The following DYNC1H1 variants were observed in gnomAD, a reference collection of about 807,000 sequenced individuals.
DYNC1H1 encodes dynein cytoplasmic 1 heavy chain 1, also known as cytoplasmic dynein 1 heavy chain 1.
A neutral mutation model predicts 527.1 loss-of-function variants in DYNC1H1; 51 were observed. That is an observed-to-expected ratio of 0.10 (90% confidence interval 0.08 to 0.12). The LOEUF is 0.12. Among genes scored for constraint, DYNC1H1 ranks in the 10% least tolerant of loss-of-function variants. DYNC1H1 has a pLI of 1.00. For synonymous variants in DYNC1H1, 2,189 were observed against 2,278.8 expected (o/e 0.96, Z 1.12); for missense variants, 2,771 against 5,971.8 (o/e 0.46, Z 17.66).
intron 12 of DYNC1H1, 148 bp from the exon 13 acceptor site, chr14:101,994,523 TGA>T: frequency 7.6e-7 from 1 of 1,321,312 alleles, no homozygotes; most frequent in African/African-American, 1.5e-5. Context: ...GAATCTTTTT[TGA>T]TATGAAAATT....
Position 102,006,979 on chromosome 14 carries a change from C to A in DYNC1H1, c.5717-29C>A, listed in dbSNP as rs184857417. On this transcript the variant is annotated intron_variant, in intron 27 of 77. Transcript: ENST00000360184. The stretch of plus-strand genomic sequence containing the variant: ...TATGTTTTCAGTTAGGTAATGGACT[C>A]AAGCACTCTGTTGCTTTTCTTTAAA... 3.7e-6 allele frequency: 6 copies of A among 1,604,394 alleles called. No homozygotes were observed. In the South Asian group the frequency reaches 5.5e-5, roughly 15 times the overall value.
rs1595611458 is a variant in DYNC1H1, at chr14:102,005,146, G to A, written c.5343G>A (p.Val1781=). The change falls in exon 26 of 78, where the codon GTG becomes GTA. Residue 1781 remains valine, a synonymous_variant. Transcript: ENST00000360184. The surrounding 1 kb of genome is among the most constrained non-coding windows in gnomAD (Gnocchi z 4.0). ...GAGATGCCGCGCCCTTGCACTCTGT[G>A]CTGAGCAATGTGGAGGTCACCCTCA... is the stretch of plus-strand genomic sequence containing the variant. The part of the protein sequence containing the change: ...GGGDAAPLHS[V]LSNVEVTLNV... The A allele has an allele frequency of 6.2e-7, 1 of 1,614,192 alleles. No individual in the cohort carries two copies.
intron 44 of DYNC1H1, 55 bp downstream of exon 44, chr14:102,026,762 G>A (rs1411014650): frequency 3.1e-6 from 5 of 1,596,634 alleles, no homozygotes; most frequent in East Asian, 2.2e-5. Flanking sequence ...TCTTGAGTAA[G>A]TGTGTGTGCC....
intron 9 of DYNC1H1, 117 bp downstream of exon 9, chr14:101,987,749 T>A: frequency 5.8e-6 from 7 of 1,211,216 alleles, no homozygotes; most frequent in Non-Finnish European, 8.3e-6. Context: ...GATAGTTCAA[T>A]TCCCCTCCAA....
Position 102,049,911 on chromosome 14 carries a change from C to T in DYNC1H1, c.13684+29C>T. 6.2e-7 allele frequency: 1 copy of T among 1,613,772 alleles called. No individual in the cohort carries two copies. The highest frequency in any genetic ancestry group is 8.5e-7 in the Non-Finnish European group (1 of 1,180,014). Reference sequence around the variant, plus strand: ...AGTGGAGTCTCACAGAAAATACTGGCTCTTTGCAGGTGACCTCGGTGGCCT... The same window carrying T: ...AGTGGAGTCTCACAGAAAATACTGGTTCTTTGCAGGTGACCTCGGTGGCCT... On this transcript the variant is annotated intron_variant, in intron 76 of 77. Transcript: ENST00000360184. This position sits in a 1 kb window ranked among gnomAD's most constrained non-coding sequence, Gnocchi z 5.5.
intron 18 of DYNC1H1, chr14:102,000,616 C>T (rs1567005873): frequency 1.5e-5 from 8 of 543,156 alleles, no homozygotes; most frequent in Non-Finnish European, 2.3e-5. Context: ...CTCTTGTTGC[C>T]CAGGCTGGAG....
In DYNC1H1 at chr14:102,011,304, T is replaced by C; in HGVS notation, c.6618+352T>C. On this transcript the variant is annotated intron_variant, in intron 32 of 77. Transcript: ENST00000360184. This position sits in a 1 kb window ranked among gnomAD's most constrained non-coding sequence, Gnocchi z 5.3. ...GCTGATCAATACGTAGTTTACATTC[T>C]GTATTGGCTTCTTTCCTTCCTCTAT... The C allele has an allele frequency of 2.6e-6, 1 of 377,822 alleles. No homozygotes were observed. Among genetic ancestry groups the C allele is most frequent in the Non-Finnish European group, 5.1e-6 (1 of 197,918 alleles). The allele number at this position is 377,822 out of a possible 1,614,324, so 23.4% of individuals were successfully genotyped here. A position where few individuals can be genotyped will look rare whatever the true frequency, so the allele number is the denominator to read the frequency against.
rs763157981 is a variant in DYNC1H1 at position 101,980,430 on chromosome 14, T to G, written c.841T>G (p.Leu281Val). The G allele has an allele frequency of 1.2e-6, 2 of 1,614,250 alleles. No homozygotes were observed. Residue 281 changes from leucine to valine, a missense_variant, in exon 5 of 78, where the codon TTG (leucine) becomes GTG (valine). By Grantham distance (32) the Leu-to-Val change is conservative. Coordinates refer to ENST00000360184, the MANE Select transcript of DYNC1H1 (RefSeq NM_001376.5). Reference sequence around the variant, plus strand: ...ACAGGAAATTAGTTTTTGGCTAAACTTGGAACGTGCGTTATACCGCATCCA... The same window carrying G: ...ACAGGAAATTAGTTTTTGGCTAAACGTGGAACGTGCGTTATACCGCATCCA... ...ALQEISFWLN[L>V]ERALYRIQEK...
rs2048133108 is a variant in DYNC1H1, at chr14:102,001,744, C to A, written c.4542+63C>A. ...GTCTCCCACGCTTTCACTGTAATGC[C>A]TTTTCACTGACAGTTACTAGGTACC... On this transcript the variant is annotated intron_variant, in intron 21 of 77. Coordinates refer to ENST00000360184, the MANE Select transcript of DYNC1H1 (RefSeq NM_001376.5). This position sits in a 1 kb window ranked among gnomAD's most constrained non-coding sequence, Gnocchi z 5.0. 4 of 1,604,770 alleles carry A rather than the reference C, an allele frequency of 2.5e-6. No individual in the cohort carries two copies. The highest frequency in any genetic ancestry group is 2.6e-6 in the Non-Finnish European group (3 of 1,173,270).
Position 102,012,158 on chromosome 14 carries a change from G to A in DYNC1H1, c.6857+45G>A, listed in dbSNP as rs766008533. On this transcript the variant is annotated intron_variant, in intron 33 of 77. Coordinates refer to ENST00000360184, the MANE Select transcript of DYNC1H1 (RefSeq NM_001376.5). This position sits in a 1 kb window ranked among gnomAD's most constrained non-coding sequence, Gnocchi z 4.9. Reference sequence around the variant, plus strand: ...TGTTTGTGTTCTCCTGGATATGGGCGCTAAGTACTTTGCTCTCACAAGAGC... The same window carrying A: ...TGTTTGTGTTCTCCTGGATATGGGCACTAAGTACTTTGCTCTCACAAGAGC... The A allele has an allele frequency of 3.2e-5, 52 of 1,611,830 alleles. No individual in the cohort carries two copies. The highest frequency in any genetic ancestry group is 1.6e-4 in the African/African-American group (12 of 74,834).
intron 9 of DYNC1H1, among the ~76,000 whole-genome samples, chr14:101,987,894 A>G (rs1439158571): frequency 6.6e-6 from 1 of 152,156 alleles, no homozygotes; most frequent in Non-Finnish European, 1.5e-5. Context: ...CCTGGGCAAC[A>G]TGGCAAGACC....
rs1057518524 is a variant in DYNC1H1, at chr14:101,991,629, A to G, written c.2971A>G (p.Met991Val). 1.9e-6 allele frequency: 3 copies of G among 1,614,178 alleles called. No homozygotes were observed. Among genetic ancestry groups the G allele is most frequent in the Non-Finnish European group, 2.5e-6 (3 of 1,180,014 alleles). ...GTATCAGGAAATGTTTGCCTGGAAG[A>G]TGGTTGTACTGTCTCTCCCCAGGAT... ...KLYQEMFAWK[M>V]VVLSLPRIQS... Residue 991 changes from methionine to valine, a missense_variant, in exon 11 of 78, where the codon ATG (methionine) becomes GTG (valine). Transcript: ENST00000360184.
rs527824242 is a variant in DYNC1H1 at position 101,993,365 on chromosome 14, A to T, written c.3016-819A>T. On this transcript the variant is annotated intron_variant, in intron 11 of 77. Coordinates refer to ENST00000360184, the MANE Select transcript of DYNC1H1 (RefSeq NM_001376.5). ...ACACAGCAGCCAAAGCAAGTTTTAG[A>T]TTCTAAGTCAATCCTGACACTCTTT... is the stretch of plus-strand genomic sequence containing the variant. Among the ~76,000 whole-genome samples, 7 of 152,224 alleles carry T rather than the reference A, an allele frequency of 4.6e-5. No individual in the cohort carries two copies. The South Asian group carries it at 1.5e-3, about 32-fold the overall frequency.
At chr14:101,991,472 A>G (rs545139898) in intron 10 of DYNC1H1, 55 bp from the exon 11 acceptor site, 5 of 1,608,848 alleles carry the variant, frequency 3.1e-6, no homozygotes, top group African/African-American at 2.7e-5. Context: ...TCTTAAAAAA[A>G]TTTTTTTTAT....
At chr14:102,048,399 C>G in intron 73 of DYNC1H1, 117 bp from the exon 74 acceptor site, 3 of 1,399,798 alleles carry the variant, frequency 2.1e-6, no homozygotes, top group Non-Finnish European at 2.0e-6. Context: ...TGTCCGTGAC[C>G]CTGGACAGTT....
At chr14:101,998,761 T>C (rs1035193023) in intron 16 of DYNC1H1, among the ~76,000 whole-genome samples, 2 of 152,160 alleles carry the variant, frequency 1.3e-5, no homozygotes, top group Admixed American at 1.3e-4. Flanking sequence ...AGGTTATGAG[T>C]GCTTGCTCCA....
rs2047839247 is a variant in DYNC1H1, at chr14:101,979,517, T to C, written c.518+25T>C. The C allele has an allele frequency of 1.7e-5, 27 of 1,613,914 alleles. No individual in the cohort carries two copies. The highest frequency in any genetic ancestry group is 2.3e-5 in the Non-Finnish European group (27 of 1,179,944). On this transcript the variant is annotated intron_variant, in intron 3 of 77. Coordinates refer to ENST00000360184, the MANE Select transcript of DYNC1H1 (RefSeq NM_001376.5). The surrounding 1 kb of genome is among the most constrained non-coding windows in gnomAD (Gnocchi z 4.6). ...GGTAAAAACTGTGGTTTGAATGTTATATTTCACTTAATGTTCACAAGATAG... is the reference window on the plus strand; with the variant it reads ...GGTAAAAACTGTGGTTTGAATGTTACATTTCACTTAATGTTCACAAGATAG...
At position 102,049,158 on chromosome 14, in the gene DYNC1H1, G is replaced by A; in HGVS notation, c.13373-282G>A. ...TGTGTGACATGAGGTTTTAGCCGCG[G>A]TTTTGCTTGGATGTGATTATGGTCC... On this transcript the variant is annotated intron_variant, in intron 74 of 77. Coordinates refer to ENST00000360184, the MANE Select transcript of DYNC1H1 (RefSeq NM_001376.5). This position sits in a 1 kb window ranked among gnomAD's most constrained non-coding sequence, Gnocchi z 5.5. 1 of 511,736 alleles carries A rather than the reference G, an allele frequency of 2.0e-6. No individual in the cohort carries two copies. The highest frequency in any genetic ancestry group is 2.0e-5 in the South Asian group (1 of 49,464). 31.7% of individuals were successfully genotyped at this position (511,736 alleles called of 1,614,324 possible).
Position 101,986,378 on chromosome 14 carries a change from T to G in DYNC1H1, c.2153T>G (p.Phe718Cys), listed in dbSNP as rs1309672835. The G allele has an allele frequency of 1.2e-6, 2 of 1,614,132 alleles. No homozygotes were observed. Among genetic ancestry groups the G allele is most frequent in the Admixed American group, 1.7e-5 (1 of 60,018 alleles). ...QRNLGVSGRIFTIESTRVRGR... is the reference protein window; with the variant it reads ...QRNLGVSGRICTIESTRVRGR... Reference sequence around the variant, plus strand: ...AACCTCGGTGTCTCGGGGCGCATTTTCACCATCGAAAGTACTCGGGTTCGG... The same window carrying G: ...AACCTCGGTGTCTCGGGGCGCATTTGCACCATCGAAAGTACTCGGGTTCGG... Residue 718 changes from phenylalanine (F) to cysteine (C), a missense_variant, in exon 8 of 78, where the codon TTC becomes TGC. Coordinates refer to ENST00000360184, the MANE Select transcript of DYNC1H1 (RefSeq NM_001376.5). The surrounding 1 kb of genome is among the most constrained non-coding windows in gnomAD (Gnocchi z 8.7).
Sources: gnomAD v4.1 joint callset for allele counts (sites outside exome capture counted in the v4.1 genomes callset) on GRCh38, gnomAD v4.1.1 for gene constraint, Gnocchi (gnomAD v3.1) non-coding constraint, MANE v1.5 for transcripts, NCBI Gene and HGNC (gene_info 2026-07-23, HGNC 2026-07-21) for gene names.